The following FAM234A variants were observed in gnomAD, a reference collection of about 807,000 sequenced individuals.
FAM234A encodes family with sequence similarity 234 member A.
FAM234A carries 42 observed loss-of-function variants against 49.1 expected under a neutral mutation model. That is an observed-to-expected ratio of 0.86 (90% CI 0.67 to 1.11). The LOEUF is 1.11. Among genes scored for constraint, FAM234A ranks in the 50% least tolerant of loss-of-function variants. The probability of loss-of-function intolerance (pLI) is 0.00; values close to 1 mark genes in which losing one functional copy is unlikely to be tolerated. For missense variants in FAM234A, 815 were observed against 745.2 expected, an observed-to-expected ratio of 1.09 and a Z score of -1.09; for synonymous variants, 369 against 316.2, an observed-to-expected ratio of 1.17 and a Z score of -1.77.
At position 259,987 on chromosome 16, in the gene FAM234A, C is replaced by T; in HGVS notation, c.404C>T (p.Thr135Ile). 1 of 1,613,424 alleles carries T rather than the reference C, an allele frequency of 6.2e-7. No homozygotes were observed. Among genetic ancestry groups the T allele is most frequent in the South Asian group, 1.1e-5 (1 of 91,062 alleles). ...CCTACAGGCTTTTCCTCTCCCTGCA[C>T]CTTTGCAGCTGCTGTGTCGGGGGCC... Reference protein sequence around the residue: ...CVDEGFSSPCTFAAAVSGANG... With the variant: ...CVDEGFSSPCIFAAAVSGANG... Residue 135 changes from threonine (T) to isoleucine (I), a missense_variant, in exon 5 of 13, where the codon ACC becomes ATC. Transcript: ENST00000399932.
rs773474374 is a variant in FAM234A, at chr16:263,319, T to G, written c.1029T>G (p.Leu343=). ...HVPGNAGADV[L]LVGSEAFVLL... ...CAGGGAACGCCGGTGCAGATGTGCT[T>G]CTTGTGGGCTCAGAGGCCTTCGTGC... Residue 343 remains leucine, a synonymous_variant, in exon 9 of 13, where the codon CTT becomes CTG. Transcript: ENST00000399932. 4 of 1,613,132 alleles carry G rather than the reference T, an allele frequency of 2.5e-6. No individual in the cohort carries two copies. Among genetic ancestry groups the G allele is most frequent in the East Asian group, 2.2e-5 (1 of 44,890 alleles).
At chr16:246,098 C>G (rs1254110119) in intron 1 of FAM234A, among the ~76,000 whole-genome samples, 1 of 151,040 alleles carries the variant, frequency 6.6e-6, no homozygotes, top group Admixed American at 6.6e-5. Context: ...GCCTATAGTC[C>G]CAGCCACTCA....
rs568609339 is a variant in FAM234A at position 264,452 on chromosome 16, G to A, written c.1345-162G>A. Among the ~76,000 whole-genome samples, 3 of 152,348 alleles carry A rather than the reference G, an allele frequency of 2.0e-5. No homozygotes were observed. In the East Asian group the frequency reaches 5.8e-4, roughly 29 times the overall value. Reference sequence around the variant, plus strand: ...GACCAGTGTCAGGACCAGGTGGGGTGGGAGGACCTGGGAGGTGGCCACAGA... The same window carrying A: ...GACCAGTGTCAGGACCAGGTGGGGTAGGAGGACCTGGGAGGTGGCCACAGA... On this transcript the variant is annotated intron_variant, in intron 11 of 12. Coordinates refer to ENST00000399932, the MANE Select transcript of FAM234A (RefSeq NM_032039.4).
intron 1 of FAM234A, among the ~76,000 whole-genome samples, chr16:240,728 C>T (rs948898047): frequency 6.6e-6 from 1 of 152,088 alleles, no homozygotes; most frequent in Non-Finnish European, 1.5e-5. Flanking sequence ...TCTCGCACTC[C>T]TGACCTCAAG....
chr16:245,988 C>T (rs981186188), intron 1 of FAM234A, among the ~76,000 whole-genome samples: 16 of 151,990 alleles, frequency 1.1e-4, no homozygotes, highest in African/African-American at 3.6e-4. Context: ...GGGCAGATCA[C>T]GAGGTCAGCA....
rs2051396670 is a variant in FAM234A, at chr16:260,051, C to T, written c.468C>T (p.Asp156=). 3 of 1,613,648 alleles carry T rather than the reference C, an allele frequency of 1.9e-6. No individual in the cohort carries two copies. The highest frequency in any genetic ancestry group is 2.2e-5 in the East Asian group (1 of 44,880). ...STLWERPVAQ[D]VALVECAVPQ... is the part of the protein sequence containing the mutation. ...TCTGGGAGAGACCTGTGGCCCAAGA[C>T]GTGGCCCTCGTGGAGTGTGCTGTGC... Residue 156 remains aspartate, a synonymous_variant, in exon 5 of 13, where the codon GAC becomes GAT. Coordinates refer to ENST00000399932, the MANE Select transcript of FAM234A (RefSeq NM_032039.4).
chr16:264,186 C>A lies in FAM234A; in HGVS notation c.1344+15C>A. On this transcript the variant is annotated intron_variant, in intron 11 of 12. Transcript: ENST00000399932. ...CCAGCGAGACGGTACGGGAGCCACC[C>A]TCGGAGCAGCCATGCTGGGAGCCGG... The A allele has an allele frequency of 6.3e-7, 1 of 1,585,416 alleles. No individual in the cohort carries two copies. The highest frequency in any genetic ancestry group is 8.5e-7 in the Non-Finnish European group (1 of 1,171,588).
chr16:248,234 C>G (rs1364904736), intron 1 of FAM234A: 1 of 151,982 alleles, frequency 6.6e-6, no homozygotes, highest in Non-Finnish European at 1.5e-5. Flanking sequence ...CCTTCTAAAT[C>G]TTGTTACAGA....
At position 249,586 on chromosome 16, in the gene FAM234A, A is replaced by G. The variant is rs946814938; in HGVS notation, c.-102A>G. On this transcript the variant is annotated 5_prime_UTR_variant, in exon 2 of 13. Transcript: ENST00000399932. ...TTGCGAAGGCACAGATTCCCCGTCC[A>G]CAGCTCACGACCAGATGCACCAGCA... 1 of 152,044 alleles carries G rather than the reference A, an allele frequency of 6.6e-6. No individual in the cohort carries two copies. The highest frequency in any genetic ancestry group is 2.4e-5 in the African/African-American group (1 of 41,272). 9.4% of individuals were successfully genotyped at this position (152,044 alleles called of 1,614,324 possible). A position where few individuals can be genotyped will look rare whatever the true frequency, so the allele number is the denominator to read the frequency against.
Position 264,833 on chromosome 16 carries a change from C to T in FAM234A, c.1470C>T (p.Arg490=), listed in dbSNP as rs1190010122. 2 of 1,611,002 alleles carry T rather than the reference C, an allele frequency of 1.2e-6. No homozygotes were observed. The highest frequency in any genetic ancestry group is 2.2e-5 in the South Asian group (2 of 91,018). Residue 490 remains arginine (R), a synonymous_variant, in exon 13 of 13, where the codon CGC becomes CGT. Coordinates refer to ENST00000399932, the MANE Select transcript of FAM234A (RefSeq NM_032039.4). ...CAGCCGTCCTGTTTGAGCCAAGCCGCCACGCCGCCTACATCCTTCTGACAG... is the reference window on the plus strand; with the variant it reads ...CAGCCGTCCTGTTTGAGCCAAGCCGTCACGCCGCCTACATCCTTCTGACAG... ...AFDAVLFEPS[R]HAAYILLTGP... is the part of the protein sequence containing the mutation.
intron 3 of FAM234A, 71 bp from the exon 4 acceptor site, chr16:259,412 C>T (rs564026031): frequency 3.5e-6 from 3 of 849,908 alleles, no homozygotes; most frequent in African/African-American, 1.7e-5. Flanking sequence ...AGAAGTAGGT[C>T]GTGCTGGACC....
intron 1 of FAM234A, among the ~76,000 whole-genome samples, chr16:239,539 C>G (rs2050537984): frequency 6.7e-6 from 1 of 149,740 alleles, no homozygotes; most frequent in Non-Finnish European, 1.5e-5. Context: ...GGCATGAACC[C>G]AGGAGGCGGA....
chr16:241,675 T>C (rs1312560034), intron 1 of FAM234A, among the ~76,000 whole-genome samples: 1 of 152,038 alleles, frequency 6.6e-6, no homozygotes, highest in African/African-American at 2.4e-5. Context: ...CCCAGCACTT[T>C]GGGAGGCCGA....
chr16:239,844 G>A (rs1299430916), intron 1 of FAM234A, among the ~76,000 whole-genome samples: 2 of 152,176 alleles, frequency 1.3e-5, no homozygotes, highest in African/African-American at 4.8e-5. Flanking sequence ...AGGAACTTGT[G>A]TTTGGGCTTT....
intron 1 of FAM234A, among the ~76,000 whole-genome samples, chr16:241,726 G>T (rs1000605220): frequency 1.3e-5 from 2 of 151,824 alleles, no homozygotes; most frequent in Non-Finnish European, 2.9e-5. Flanking sequence ...GACCATCCTG[G>T]CTAACACAGT....
At position 239,994 on chromosome 16, in the gene FAM234A, G is replaced by A. The variant is rs2050554863; in HGVS notation, c.-140+5137G>A. 2.0e-5 allele frequency among the ~76,000 whole-genome samples: 3 copies of A among 152,176 alleles called. No homozygotes were observed. The South Asian group carries it at 6.2e-4, about 32-fold the overall frequency. On this transcript the variant is annotated intron_variant, in intron 1 of 12. Coordinates refer to ENST00000399932, the MANE Select transcript of FAM234A (RefSeq NM_032039.4). ...GTGGAGAGAGAAATAGCTGCTTGCT[G>A]TAAACAACTGGACACAGTAGCTGTC...
Position 260,025 on chromosome 16 carries a change from C to T in FAM234A, c.442C>T (p.Leu148Phe), listed in dbSNP as rs1351876889. 3.1e-6 allele frequency: 5 copies of T among 1,613,524 alleles called. No homozygotes were observed. Among genetic ancestry groups the T allele is most frequent in the Non-Finnish European group, 4.2e-6 (5 of 1,180,022 alleles). The change falls in exon 5 of 13, where the codon CTC becomes TTC. Residue 148 changes from leucine to phenylalanine, a missense_variant. Coordinates refer to ENST00000399932, the MANE Select transcript of FAM234A (RefSeq NM_032039.4). ...AAVSGANGST[L>F]WERPVAQDVA... ...TGTGTCGGGGGCCAACGGCAGCACG[C>T]TCTGGGAGAGACCTGTGGCCCAAGA... is the stretch of plus-strand genomic sequence containing the variant.
At chr16:250,739 T>C (rs2050970589) in intron 2 of FAM234A, among the ~76,000 whole-genome samples, 4 of 152,154 alleles carry the variant, frequency 2.6e-5, no homozygotes, top group Admixed American at 2.6e-4. Context: ...GTTCCGCACC[T>C]GGCCCCCACG....
chr16:255,555 CAG>C (rs1032198078), intron 3 of FAM234A, among the ~76,000 whole-genome samples: 1 of 152,196 alleles, frequency 6.6e-6, no homozygotes, highest in Non-Finnish European at 1.5e-5. Flanking sequence ...GCCTGGGTGA[CAG>C]AGAGAGACCC....
Sources: allele counts gnomAD v4.1 joint callset (sites outside exome capture counted in the v4.1 genomes callset), GRCh38; gene constraint gnomAD v4.1.1; transcripts MANE v1.5; gene names NCBI Gene and HGNC (gene_info 2026-07-23, HGNC 2026-07-21).